Variants in TRABD2B observed in about 807,000 individuals in gnomAD.
TRABD2B encodes metalloprotease TIKI2.
Under a neutral mutation model 40.1 loss-of-function variants are expected in TRABD2B, and 14 were observed. The observed-to-expected ratio is 0.35, with a 90% CI of 0.23 to 0.55. The LOEUF (loss-of-function observed/expected upper bound fraction) is 0.55, where lower values mean the gene tolerates loss of function less well. Among genes scored for constraint, TRABD2B ranks in the 20% least tolerant of loss-of-function variants. The pLI is 0.90. For missense variants in TRABD2B, 541 were observed against 648.6 expected (o/e 0.83, Z 1.80); for synonymous variants, 263 against 277.0 (o/e 0.95, Z 0.50).
intron 2 of TRABD2B, among the ~76,000 whole-genome samples, chr1:47,910,365 T>C (rs1036528580): frequency 2.0e-5 from 3 of 152,222 alleles, no homozygotes; most frequent in African/African-American, 4.8e-5. Flanking sequence ...AGGCCTTTCC[T>C]GACTACTCAG....
intron 2 of TRABD2B, among the ~76,000 whole-genome samples, chr1:47,834,222 G>A (rs536342947): frequency 3.6e-4 from 55 of 152,328 alleles, no homozygotes; most frequent in Admixed American, 2.6e-3. Context: ...CCCCAGGGGC[G>A]TTTGTTGCAG....
intron 2 of TRABD2B, among the ~76,000 whole-genome samples, chr1:47,982,097 A>G (rs1217420339): frequency 1.3e-5 from 2 of 152,214 alleles, no homozygotes; most frequent in African/African-American, 2.4e-5. Context: ...TACACACTGC[A>G]GATGGTCAGA....
chr1:47,975,781 G>T (rs1044872341), intron 2 of TRABD2B, among the ~76,000 whole-genome samples: 1 of 152,104 alleles, frequency 6.6e-6, no homozygotes, highest in Non-Finnish European at 1.5e-5. Flanking sequence ...AACTATAAAT[G>T]GCAAATATGT....
intron 6 of TRABD2B, among the ~76,000 whole-genome samples, chr1:47,770,149 C>T (rs1000457948): frequency 6.6e-6 from 1 of 152,132 alleles, no homozygotes; most frequent in East Asian, 1.9e-4. Flanking sequence ...GACTGACCTC[C>T]TTAGAGAGCT....
At chr1:47,879,279 C>A (rs1644267580) in intron 2 of TRABD2B, among the ~76,000 whole-genome samples, 1 of 152,038 alleles carries the variant, frequency 6.6e-6, no homozygotes, top group East Asian at 1.9e-4. Flanking sequence ...TCAATACAGT[C>A]CACATATGCA....
In TRABD2B at chr1:47,947,691, GGTCATGCAGCTAGATTTTCCAGT is replaced by G. The variant is rs144055056; in HGVS notation, c.666+46320_666+46342del. 8.3e-3 allele frequency among the ~76,000 whole-genome samples: 1,269 copies of G among 152,226 alleles called. 14 individuals carry two copies. Among genetic ancestry groups the G allele is most frequent in the Middle Eastern group, 0.034 (10 of 294 alleles). ...GAGTGAATAAAAGCCAAAACAAGGA[GGTCATGCAGCTAGATTTTCCAGT>G]GTCATGACGCTGATGCTGAGCAGAG... On this transcript the variant is annotated intron_variant, in intron 2 of 6. Coordinates refer to ENST00000606738, the MANE Select transcript of TRABD2B (RefSeq NM_001194986.2).
intron 2 of TRABD2B, among the ~76,000 whole-genome samples, chr1:47,863,456 A>G (rs1644008719): frequency 6.8e-6 from 1 of 147,684 alleles, no homozygotes; most frequent in Non-Finnish European, 1.5e-5. Context: ...AGACCTTAAT[A>G]GACTACTCAC....
intron 2 of TRABD2B, among the ~76,000 whole-genome samples, chr1:47,960,926 A>G (rs1310005438): frequency 6.6e-5 from 10 of 152,124 alleles, no homozygotes; most frequent in Admixed American, 6.6e-4. Flanking sequence ...CCAAAAGAAC[A>G]AAGCTGGAGG....
intron 5 of TRABD2B, among the ~76,000 whole-genome samples, chr1:47,776,238 G>A (rs949656429): frequency 6.6e-6 from 1 of 152,144 alleles, no homozygotes; most frequent in Non-Finnish European, 1.5e-5. Flanking sequence ...CTTTTCAGTG[G>A]AGCAAAGACA....
intron 2 of TRABD2B, among the ~76,000 whole-genome samples, chr1:47,942,452 A>G (rs1645200938): frequency 6.6e-6 from 1 of 152,118 alleles, no homozygotes; most frequent in Admixed American, 6.5e-5. Context: ...TCCAGCAATC[A>G]GCAAGCACTA....
chr1:47,809,672 C>T (rs1428226467), intron 2 of TRABD2B, among the ~76,000 whole-genome samples: 1 of 152,210 alleles, frequency 6.6e-6, no homozygotes, highest in Non-Finnish European at 1.5e-5. Flanking sequence ...TGCCGACTAC[C>T]TCCCTGCTTC....
intron 2 of TRABD2B, among the ~76,000 whole-genome samples, chr1:47,873,306 G>A (rs1644171708): frequency 6.6e-6 from 1 of 152,174 alleles, no homozygotes; most frequent in African/African-American, 2.4e-5. Context: ...CTGAGTGAGG[G>A]ATGAAGCTGG....
intron 2 of TRABD2B, among the ~76,000 whole-genome samples, chr1:47,952,906 C>T (rs1645366123): frequency 6.6e-6 from 1 of 152,206 alleles, no homozygotes; most frequent in African/African-American, 2.4e-5. Context: ...TCTCGACTAT[C>T]AGCTCCCAGA....
At chr1:47,907,983 T>C (rs960287243) in intron 2 of TRABD2B, among the ~76,000 whole-genome samples, 3 of 152,152 alleles carry the variant, frequency 2.0e-5, no homozygotes, top group African/African-American at 7.2e-5. Flanking sequence ...ATTTTCCGTA[T>C]TTCTTTTCTT....
chr1:47,908,506 T>A (rs1037304033), intron 2 of TRABD2B, among the ~76,000 whole-genome samples: 1 of 152,196 alleles, frequency 6.6e-6, no homozygotes, highest in African/African-American at 2.4e-5. Context: ...AAGGGTTAGA[T>A]AAATTCCATG....
chr1:47,802,742 G>A (rs539010663), intron 2 of TRABD2B, among the ~76,000 whole-genome samples: 1 of 152,120 alleles, frequency 6.6e-6, no homozygotes, highest in East Asian at 1.9e-4. Flanking sequence ...TGAGTCCCCT[G>A]CACCAGTCCC....
chr1:47,866,942 C>T (rs1314578761), intron 2 of TRABD2B, among the ~76,000 whole-genome samples: 4 of 152,240 alleles, frequency 2.6e-5, no homozygotes, highest in Non-Finnish European at 5.9e-5. Context: ...GACCTCCATT[C>T]TCAGGCCCTG....
At chr1:47,909,618 A>G (rs1348381065) in intron 2 of TRABD2B, among the ~76,000 whole-genome samples, 1 of 149,638 alleles carries the variant, frequency 6.7e-6, no homozygotes, top group African/African-American at 2.5e-5. Context: ...ACTCTTTTAA[A>G]CGACCGGATC....
intron 2 of TRABD2B, among the ~76,000 whole-genome samples, chr1:47,861,342 A>C (rs1301940091): frequency 6.6e-6 from 1 of 152,020 alleles, no homozygotes; most frequent in African/African-American, 2.4e-5. Context: ...ATGTTGTAAA[A>C]CGTCCTACAA....
Sources: allele counts gnomAD v4.1 joint callset (sites outside exome capture counted in the v4.1 genomes callset), GRCh38; gene constraint gnomAD v4.1.1; transcripts MANE v1.5; gene names NCBI Gene and HGNC (gene_info 2026-07-23, HGNC 2026-07-21).